Variants in ANXA8 observed in about 807,000 individuals in gnomAD.
ANXA8 encodes the protein VAC-beta.
ANXA8 carries 9 observed loss-of-function variants against 26.8 expected under a neutral mutation model. The ratio of observed to expected loss-of-function variants is 0.34; its 90% CI spans 0.20 to 0.59. ANXA8 has a LOEUF of 0.59. Among genes scored for constraint, ANXA8 ranks in the 20% least tolerant of loss-of-function variants. ANXA8 has a pLI of 0.84. For missense variants in ANXA8, 83 were observed against 238.5 expected (o/e 0.35, Z 4.29); for synonymous variants, 39 against 94.8 (o/e 0.41, Z 3.42).
chr10:47,700,048 G>A, the ANXA8 span, among the ~76,000 whole-genome samples: 1 of 152,040 alleles, frequency 6.6e-6, no homozygotes, highest in African/African-American at 2.4e-5. Flanking sequence ...TTCTTGGATA[G>A]GATGACTCAA....
At chr10:47,483,134 CGAGAACCCAT>C (rs1839895795) in intron 1 of ANXA8, among the ~76,000 whole-genome samples, 2 of 151,606 alleles carry the variant, frequency 1.3e-5, no homozygotes, top group South Asian at 2.1e-4. Context: ...GGAAAGCTCC[CGAGAACCCAT>C]CAGTTCTGCT....
chr10:47,552,969 C>T, the ANXA8 span, among the ~76,000 whole-genome samples: 2 of 151,830 alleles, frequency 1.3e-5, no homozygotes, highest in Non-Finnish European at 2.9e-5. Flanking sequence ...GAGTCAGAGG[C>T]TTCTCACAGA....
chr10:47,596,578 A>G, the ANXA8 span, among the ~76,000 whole-genome samples: 2 of 147,168 alleles, frequency 1.4e-5, no homozygotes, highest in Non-Finnish European at 3.0e-5. Flanking sequence ...ACAATCAGCA[A>G]TAACAAAGGC....
the ANXA8 span, among the ~76,000 whole-genome samples, chr10:47,677,191 C>T: frequency 6.6e-6 from 1 of 151,454 alleles, no homozygotes; most frequent in East Asian, 1.9e-4. Flanking sequence ...GATTATACAA[C>T]CATGAAAGAA....
chr10:47,673,604 C>A, the ANXA8 span, among the ~76,000 whole-genome samples: 1 of 151,450 alleles, frequency 6.6e-6, no homozygotes, highest in Non-Finnish European at 1.5e-5. Context: ...GAGAATCTAG[C>A]AAACCAAACT....
chr10:47,743,305 T>TAC, the ANXA8 span, among the ~76,000 whole-genome samples: 8 of 53,736 alleles, frequency 1.5e-4, no homozygotes, highest in East Asian at 5.3e-3. Flanking sequence ...CACATATATA[T>TAC]ATATATACAC....
chr10:47,564,807 C>T, the ANXA8 span: 4 of 853,074 alleles, frequency 4.7e-6, no homozygotes, highest in African/African-American at 5.3e-5. Context: ...GATCTGATGA[C>T]GCAGAATGGA....
chr10:47,626,065 A>G, the ANXA8 span, among the ~76,000 whole-genome samples: 1 of 150,472 alleles, frequency 6.6e-6, no homozygotes, highest in Non-Finnish European at 1.5e-5. Flanking sequence ...TTTAAAGCCC[A>G]TTAACCTTTT....
At chr10:47,968,313 A>G in the ANXA8 span, among the ~76,000 whole-genome samples, 55 of 150,806 alleles carry the variant, frequency 3.6e-4, 4 homozygotes, top group Non-Finnish European at 7.1e-4. Context: ...ATGGTTTTGC[A>G]AAGTATAGGC....
At chr10:47,615,781 G>C in the ANXA8 span, among the ~76,000 whole-genome samples, 2 of 74,578 alleles carry the variant, frequency 2.7e-5, 1 homozygote, top group East Asian at 5.2e-4. Context: ...GAAATATTTA[G>C]GAATTACATA....
At chr10:47,945,183 C>T in the ANXA8 span, among the ~76,000 whole-genome samples, 1 of 149,964 alleles carries the variant, frequency 6.7e-6, no homozygotes, top group African/African-American at 2.5e-5. Flanking sequence ...TGTGCTTCCA[C>T]TGCCACATGG....
the ANXA8 span, among the ~76,000 whole-genome samples, chr10:47,580,693 A>T: frequency 6.7e-6 from 1 of 150,188 alleles, no homozygotes; most frequent in Non-Finnish European, 1.5e-5. Context: ...CAGTGACCCG[A>T]GATCATACCA....
chr10:47,707,171 AAAAC>A, the ANXA8 span, among the ~76,000 whole-genome samples: 2 of 127,132 alleles, frequency 1.6e-5, no homozygotes, highest in African/African-American at 7.1e-5. Context: ...AAACCTCAAA[AAAAC>A]AAAAAAAAAC....
chr10:47,501,345 C>A, the ANXA8 span, among the ~76,000 whole-genome samples: 1 of 144,058 alleles, frequency 6.9e-6, no homozygotes, highest in Admixed American at 7.0e-5. Flanking sequence ...CTGCGCCCAG[C>A]CTAACTGTAA....
At chr10:47,675,988 A>T in the ANXA8 span, among the ~76,000 whole-genome samples, 1 of 151,626 alleles carries the variant, frequency 6.6e-6, no homozygotes, top group African/African-American at 2.4e-5. Flanking sequence ...AAACAAAAAA[A>T]GGAAAGAAAA....
chr10:47,959,210 G>A, the ANXA8 span, among the ~76,000 whole-genome samples: 1 of 146,810 alleles, frequency 6.8e-6, no homozygotes, highest in East Asian at 2.1e-4. Flanking sequence ...GGAGGCCTAG[G>A]GAGTTCCAGA....
At chr10:47,711,113 A>C in the ANXA8 span, among the ~76,000 whole-genome samples, 6 of 148,096 alleles carry the variant, frequency 4.1e-5, 2 homozygotes, top group African/African-American at 1.3e-4. Context: ...AGTTACCTTA[A>C]CTCTTTCAAG....
chr10:47,568,413 T>C, the ANXA8 span, among the ~76,000 whole-genome samples: 1 of 31,686 alleles, frequency 3.2e-5, no homozygotes, highest in African/African-American at 1.6e-4. Flanking sequence ...GTGAAATCAA[T>C]AGTCCCCATT....
chr10:47,772,034 CACT>C, the ANXA8 span, among the ~76,000 whole-genome samples: 13 of 151,630 alleles, frequency 8.6e-5, no homozygotes, highest in African/African-American at 2.9e-4. Flanking sequence ...TGAAATGCAC[CACT>C]GTTTTGCACC....
Sources: gnomAD v4.1 joint callset for allele counts (sites outside exome capture counted in the v4.1 genomes callset) on GRCh38, gnomAD v4.1.1 for gene constraint, MANE v1.5 for transcripts, NCBI Gene and HGNC (gene_info 2026-07-23, HGNC 2026-07-21) for gene names.